PDE4DIP: variants seen among roughly 807,000 people sequenced by gnomAD.
PDE4DIP encodes phosphodiesterase 4D interacting protein.
A neutral mutation model predicts 221.4 loss-of-function variants in PDE4DIP; 59 were observed. The observed-to-expected ratio is 0.27, with a 90% CI of 0.22 to 0.33. The LOEUF is 0.33. Among genes scored for constraint, PDE4DIP ranks in the 10% least tolerant of loss-of-function variants. The pLI, the probability that PDE4DIP is intolerant of heterozygous loss-of-function variation, is 1.00. For missense variants in PDE4DIP, 1,036 were observed against 2,154.2 expected, an observed-to-expected ratio of 0.48 and a Z score of 10.28; for synonymous variants, 404 against 815.9, an observed-to-expected ratio of 0.50 and a Z score of 8.60.
At chr1:148,953,642 C>T (rs1553497200) in intron 5 of PDE4DIP, 7 of 1,456,436 alleles carry the variant, frequency 4.8e-6, no homozygotes, top group African/African-American at 2.8e-5. Context: ...TAATCACAAG[C>T]TGGAATTAGC....
chr1:149,032,122 G>T lies in PDE4DIP; in HGVS notation c.*137G>T, dbSNP rs1055315. On this transcript the variant is annotated 3_prime_UTR_variant, in exon 44 of 44. Transcript: ENST00000369354. The stretch of plus-strand genomic sequence containing the variant: ...CTGGGCCTCATTCCTCCAAGTCCAC[G>T]GGAGGGTCCAGAAGAGGGAGTCAGA... The T allele has an allele frequency of 2.6e-5, 40 of 1,552,722 alleles. No individual in the cohort carries two copies. The Admixed American group carries it at 2.6e-4, about 10-fold the overall frequency.
chr1:148,976,210 AT>A (rs2060143116), intron 17 of PDE4DIP, among the ~76,000 whole-genome samples: 1 of 152,170 alleles, frequency 6.6e-6, no homozygotes. Context: ...ATGAATGGGT[AT>A]TTTGGGTGAT....
At chr1:148,838,697 G>T (rs1340772611) in intron 1 of PDE4DIP, among the ~76,000 whole-genome samples, 1 of 122,322 alleles carries the variant, frequency 8.2e-6, no homozygotes, top group Non-Finnish European at 1.8e-5. Flanking sequence ...ATAATAATGT[G>T]GCTAAAAGAA....
chr1:149,006,099 C>G (rs1312265625), intron 27 of PDE4DIP, among the ~76,000 whole-genome samples: 1 of 152,138 alleles, frequency 6.6e-6, no homozygotes, highest in African/African-American at 2.4e-5. Flanking sequence ...CACCACTGCA[C>G]TCCAGCCTGG....
chr1:148,951,544 G>A (rs2053243921), intron 5 of PDE4DIP, among the ~76,000 whole-genome samples: 1 of 152,280 alleles, frequency 6.6e-6, no homozygotes, highest in Non-Finnish European at 1.5e-5. Flanking sequence ...ACGGAAAGAA[G>A]CACTGTCTTT....
intron 1 of PDE4DIP, among the ~76,000 whole-genome samples, chr1:148,893,236 GC>G (rs1553439012): frequency 1.5e-5 from 2 of 133,538 alleles, no homozygotes; most frequent in African/African-American, 5.8e-5. Flanking sequence ...ACAGGCATGA[GC>G]CACCACACCC....
intron 1 of PDE4DIP, among the ~76,000 whole-genome samples, chr1:148,830,969 AT>A (rs1671913900): frequency 1.4e-5 from 2 of 138,172 alleles, no homozygotes. Context: ...GTCAAATGGT[AT>A]TTCTAGTTCT....
chr1:148,968,001 G>A, intron 13 of PDE4DIP, 96 bp downstream of exon 16: 1 of 722,176 alleles, frequency 1.4e-6, no homozygotes. Flanking sequence ...TGTGACCCAA[G>A]TCTTTAATTT....
chr1:149,030,179 G>C (rs1226913966), intron 42 of PDE4DIP, 53 bp from the exon 46 acceptor site: 1 of 1,332,934 alleles, frequency 7.5e-7, no homozygotes, highest in Non-Finnish European at 1.0e-6. Flanking sequence ...TAAGCAAGTA[G>C]GGTTAATTTC....
In PDE4DIP at chr1:148,974,824, A is replaced by G. The variant is rs587761699; in HGVS notation, c.2319+219A>G. The stretch of plus-strand genomic sequence containing the variant: ...GATTGGGACCATTAAAACTTATTAA[A>G]TGCTGGAAAAACGTAACCCTCTCTC... On this transcript the variant is annotated intron_variant, in intron 17 of 43. Coordinates refer to ENST00000369354, the Ensembl canonical transcript of PDE4DIP. Among the ~76,000 whole-genome samples, 113 of 51,960 alleles carry G rather than the reference A, an allele frequency of 2.2e-3. 2 individuals carry two copies. Among genetic ancestry groups the G allele is most frequent in the Non-Finnish European group, 3.4e-3 (90 of 26,330 alleles). 34.1% of individuals were successfully genotyped at this position (51,960 alleles called of 152,430 possible).
chr1:148,940,360 T>A (rs587620782), intron 5 of PDE4DIP, among the ~76,000 whole-genome samples: 2 of 152,150 alleles, frequency 1.3e-5, no homozygotes, highest in Non-Finnish European at 2.9e-5. Flanking sequence ...TAAATTGATA[T>A]GCTTTTTAAA....
chr1:148,978,275 T>A lies in PDE4DIP; in HGVS notation c.2437-3T>A. 13 of 1,599,038 alleles carry A rather than the reference T, an allele frequency of 8.1e-6. 1 individual carries two copies. Among genetic ancestry groups the A allele is most frequent in the Non-Finnish European group, 6.8e-6 (8 of 1,170,230 alleles). On this transcript the variant is annotated splice_region_variant and splice_polypyrimidine_tract_variant and intron_variant, in intron 18 of 43. Transcript: ENST00000369354. Reference sequence around the variant, plus strand: ...ACATCCATACTTATTTTTTGACTTCTAGGACCTGCAAATGCAACTGGTTGA... The same window carrying A: ...ACATCCATACTTATTTTTTGACTTCAAGGACCTGCAAATGCAACTGGTTGA...
intron 20 of PDE4DIP, among the ~76,000 whole-genome samples, chr1:148,980,812 C>G (rs1322495678): frequency 5.9e-5 from 9 of 152,092 alleles, no homozygotes; most frequent in Non-Finnish European, 1.3e-4. Flanking sequence ...AACCAGATTC[C>G]TTTTCAGCAC....
At chr1:148,920,114 T>G (rs587712735) in intron 1 of PDE4DIP, among the ~76,000 whole-genome samples, 19 of 141,450 alleles carry the variant, frequency 1.3e-4, no homozygotes, top group African/African-American at 5.2e-4. Context: ...TTTTAAAAAC[T>G]ATTTATTTTT....
chr1:148,925,883 G>A (rs796925779), intron 1 of PDE4DIP, among the ~76,000 whole-genome samples: 2 of 151,928 alleles, frequency 1.3e-5, no homozygotes, highest in African/African-American at 4.8e-5. Flanking sequence ...ATAGAGCCAG[G>A]ATTCGAACCT....
chr1:148,903,071 A>AT (rs1325471168), intron 1 of PDE4DIP, among the ~76,000 whole-genome samples: 5 of 152,020 alleles, frequency 3.3e-5, no homozygotes, highest in South Asian at 2.1e-4. Context: ...CATATCTACT[A>AT]TTTTTTTATT....
chr1:148,970,072 G>A (rs1553524116), intron 14 of PDE4DIP, among the ~76,000 whole-genome samples: 1 of 151,580 alleles, frequency 6.6e-6, no homozygotes, highest in Non-Finnish European at 1.5e-5. Context: ...ACTCTTAGTT[G>A]ACTTGTGCTG....
chr1:149,000,797 A>G (rs2065469254), intron 23 of PDE4DIP, among the ~76,000 whole-genome samples: 1 of 151,308 alleles, frequency 6.6e-6, no homozygotes, highest in Admixed American at 6.6e-5. Flanking sequence ...GGTAAGTGTT[A>G]TCATCCTTAT....
At chr1:148,941,882 T>C (rs1553480100) in intron 5 of PDE4DIP, 1 of 150,812 alleles carries the variant, frequency 6.6e-6, no homozygotes, top group African/African-American at 2.4e-5. Flanking sequence ...ATGTGGAAGG[T>C]AAAAGTTCAA....
Sources: allele counts gnomAD v4.1 joint callset (sites outside exome capture counted in the v4.1 genomes callset), GRCh38; gene constraint gnomAD v4.1.1; transcripts MANE v1.5; gene names NCBI Gene and HGNC (gene_info 2026-07-23, HGNC 2026-07-21).